Variants in POU6F2 observed in about 807,000 individuals in gnomAD.
POU6F2 encodes POU domain, class 6, transcription factor 2.
A neutral mutation model predicts 71.3 loss-of-function variants in POU6F2; 31 were observed. The observed-to-expected ratio is 0.43, with a 90% CI of 0.33 to 0.59. The LOEUF is 0.59. Among genes scored for constraint, POU6F2 ranks in the 20% least tolerant of loss-of-function variants. The pLI is 0.04. For missense variants in POU6F2, 783 were observed against 856.8 expected (o/e 0.91, Z 1.07); for synonymous variants, 347 against 355.7 (o/e 0.98, Z 0.27).
chr7:39,166,113 G>A (rs1427251783), intron 2 of POU6F2, among the ~76,000 whole-genome samples: 1 of 152,108 alleles, frequency 6.6e-6, no homozygotes, highest in Non-Finnish European at 1.5e-5. Flanking sequence ...CATTTTCTGT[G>A]TCCAGCATAA....
At chr7:39,299,550 G>A (rs1784914673) in intron 4 of POU6F2, among the ~76,000 whole-genome samples, 1 of 152,218 alleles carries the variant, frequency 6.6e-6, no homozygotes, top group Non-Finnish European at 1.5e-5. Flanking sequence ...CTGCCCAGCA[G>A]AAAACTACTT....
At chr7:38,988,783 T>C (rs986191848) in intron 1 of POU6F2, among the ~76,000 whole-genome samples, 2 of 152,114 alleles carry the variant, frequency 1.3e-5, no homozygotes, top group Non-Finnish European at 2.9e-5. Context: ...AAAGTTGGAA[T>C]TGGTCCGGAG....
At chr7:39,251,605 G>A (rs149161649) in intron 4 of POU6F2, among the ~76,000 whole-genome samples, 9 of 152,298 alleles carry the variant, frequency 5.9e-5, no homozygotes, top group East Asian at 3.9e-4. Context: ...AGATGCATGC[G>A]TGTTTAATGT....
chr7:39,286,954 T>C (rs1451268019), intron 4 of POU6F2, among the ~76,000 whole-genome samples: 1 of 136,958 alleles, frequency 7.3e-6, no homozygotes, highest in South Asian at 2.4e-4. Context: ...TTTTTTTTTT[T>C]CCATAAGGCA....
chr7:39,080,781 A>G (rs1042767909), intron 1 of POU6F2, among the ~76,000 whole-genome samples: 1 of 152,190 alleles, frequency 6.6e-6, no homozygotes, highest in Non-Finnish European at 1.5e-5. Context: ...TATTTCCATC[A>G]TGTGGCTGCC....
At chr7:39,416,880 T>C (rs912119156) in intron 6 of POU6F2, among the ~76,000 whole-genome samples, 1 of 152,082 alleles carries the variant, frequency 6.6e-6, no homozygotes, top group African/African-American at 2.4e-5. Flanking sequence ...TGAGGAAATA[T>C]GTTATTTATA....
chr7:39,390,334 T>C (rs1357299197), intron 5 of POU6F2, among the ~76,000 whole-genome samples: 1 of 152,150 alleles, frequency 6.6e-6, no homozygotes, highest in Non-Finnish European at 1.5e-5. Flanking sequence ...AGGTGGAGGC[T>C]GCAGTGAGCT....
intron 2 of POU6F2, among the ~76,000 whole-genome samples, chr7:39,130,570 T>G (rs1454172162): frequency 6.6e-6 from 1 of 152,200 alleles, no homozygotes; most frequent in East Asian, 1.9e-4. Flanking sequence ...AATAAGGGAT[T>G]CCTTCATAGA....
intron 2 of POU6F2, among the ~76,000 whole-genome samples, chr7:39,171,779 A>G (rs921805552): frequency 1.3e-5 from 2 of 152,158 alleles, no homozygotes; most frequent in African/African-American, 4.8e-5. Context: ...CCATCCACTC[A>G]ATCTGCTCTT....
chr7:38,994,999 C>T (rs1247857810), intron 1 of POU6F2, among the ~76,000 whole-genome samples: 1 of 152,130 alleles, frequency 6.6e-6, no homozygotes, highest in Non-Finnish European at 1.5e-5. Flanking sequence ...CAAACATTTC[C>T]CCAGAAGAAA....
intron 4 of POU6F2, among the ~76,000 whole-genome samples, chr7:39,252,797 A>G (rs1296156533): frequency 1.3e-5 from 2 of 151,674 alleles, no homozygotes; most frequent in Admixed American, 1.3e-4. Flanking sequence ...ATCAGTGAGA[A>G]CTCCTTGAAC....
intron 4 of POU6F2, among the ~76,000 whole-genome samples, chr7:39,212,636 T>C (rs1794162590): frequency 6.6e-6 from 1 of 152,202 alleles, no homozygotes. Flanking sequence ...TGGCCTCTGA[T>C]GACTGTAAGC....
At chr7:39,139,019 G>A (rs1225960115) in intron 2 of POU6F2, among the ~76,000 whole-genome samples, 1 of 152,116 alleles carries the variant, frequency 6.6e-6, no homozygotes, top group Non-Finnish European at 1.5e-5. Context: ...CTTGGCTTGT[G>A]CACAGAGGGG....
chr7:39,192,077 CG>C (rs2128743354), intron 2 of POU6F2, among the ~76,000 whole-genome samples: 2 of 152,278 alleles, frequency 1.3e-5, no homozygotes, highest in South Asian at 4.1e-4. Flanking sequence ...GTGAGTTGTG[CG>C]ACATCTTTCT....
chr7:39,042,477 C>T (rs1177512467), intron 1 of POU6F2, among the ~76,000 whole-genome samples: 1 of 152,004 alleles, frequency 6.6e-6, no homozygotes, highest in East Asian at 1.9e-4. Context: ...AGATCCATGC[C>T]TCTGTCAGCA....
chr7:39,388,630 A>C (rs915527404), intron 5 of POU6F2, among the ~76,000 whole-genome samples: 4 of 152,182 alleles, frequency 2.6e-5, no homozygotes, highest in Admixed American at 2.0e-4. Flanking sequence ...ATGATTTTCA[A>C]ACAAAGAAAA....
chr7:38,999,623 A>G (rs545981848), intron 1 of POU6F2, among the ~76,000 whole-genome samples: 17 of 152,288 alleles, frequency 1.1e-4, no homozygotes, highest in African/African-American at 3.9e-4. Flanking sequence ...AGAGGTGACA[A>G]CTGTACAATC....
At chr7:39,301,853 A>C (rs2128764826) in intron 4 of POU6F2, among the ~76,000 whole-genome samples, 1 of 152,320 alleles carries the variant, frequency 6.6e-6, no homozygotes, top group South Asian at 2.1e-4. Flanking sequence ...ACTTAATCAC[A>C]CAGACATACT....
intron 4 of POU6F2, among the ~76,000 whole-genome samples, chr7:39,283,905 GCAGATAATACAAAAGGATA>G (rs1395486474): frequency 6.6e-6 from 1 of 152,068 alleles, no homozygotes; most frequent in Non-Finnish European, 1.5e-5. Context: ...TTAAATTATT[GCAGATAATACAAAAGGATA>G]CAGATAATAC....
Sources: gnomAD v4.1 joint callset for allele counts (sites outside exome capture counted in the v4.1 genomes callset) on GRCh38, gnomAD v4.1.1 for gene constraint, MANE v1.5 for transcripts, NCBI Gene and HGNC (gene_info 2026-07-23, HGNC 2026-07-21) for gene names.